Variants in ROBO1 observed in about 807,000 individuals in gnomAD.
ROBO1 encodes roundabout guidance receptor 1.
Under a neutral mutation model 195.9 loss-of-function variants are expected in ROBO1, and 149 were observed. The ratio of observed to expected loss-of-function variants is 0.76; its 90% CI spans 0.67 to 0.87. ROBO1 has a LOEUF of 0.87. Among genes scored for constraint, ROBO1 ranks in the 40% least tolerant of loss-of-function variants. The pLI, the probability that ROBO1 is intolerant of heterozygous loss-of-function variation, is 0.00. For missense variants in ROBO1, 1,933 were observed against 2,068.3 expected, an observed-to-expected ratio of 0.93 and a Z score of 1.27; for synonymous variants, 816 against 733.2, an observed-to-expected ratio of 1.11 and a Z score of -1.82.
intron 1 of ROBO1, among the ~76,000 whole-genome samples, chr3:79,724,380 C>T (rs1179194748): frequency 6.6e-6 from 1 of 152,114 alleles, no homozygotes; most frequent in Non-Finnish European, 1.5e-5. Context: ...TATTCGCTGC[C>T]CCCTGGTGTT....
At chr3:79,693,610 A>G (rs1048065694) in intron 1 of ROBO1, among the ~76,000 whole-genome samples, 5 of 151,370 alleles carry the variant, frequency 3.3e-5, no homozygotes, top group African/African-American at 1.2e-4. Flanking sequence ...TTTTATAATT[A>G]TTTTTTCACA....
chr3:79,350,182 A>G (rs1193751760), intron 2 of ROBO1, among the ~76,000 whole-genome samples: 2 of 152,202 alleles, frequency 1.3e-5, no homozygotes, highest in South Asian at 4.1e-4. Context: ...ATCTTTTTAT[A>G]TACATAAAAA....
At chr3:78,820,002 A>C (rs1440541192) in intron 4 of ROBO1, among the ~76,000 whole-genome samples, 1 of 152,224 alleles carries the variant, frequency 6.6e-6, no homozygotes, top group Non-Finnish European at 1.5e-5. Context: ...CGTGTCTATA[A>C]ATAGGTCTTT....
At chr3:79,517,163 G>T (rs918451411) in intron 2 of ROBO1, among the ~76,000 whole-genome samples, 2 of 152,076 alleles carry the variant, frequency 1.3e-5, no homozygotes, top group Non-Finnish European at 2.9e-5. Flanking sequence ...TCGATTACTG[G>T]TTATCACTCG....
At chr3:79,587,507 T>C (rs1368915751) in intron 2 of ROBO1, among the ~76,000 whole-genome samples, 1 of 151,832 alleles carries the variant, frequency 6.6e-6, no homozygotes, top group East Asian at 1.9e-4. Flanking sequence ...TGTTACATTT[T>C]TTTCATTTGT....
chr3:79,301,944 C>G (rs1170408127), intron 2 of ROBO1, among the ~76,000 whole-genome samples: 4 of 152,156 alleles, frequency 2.6e-5, no homozygotes, highest in African/African-American at 9.7e-5. Flanking sequence ...TATGTCATCT[C>G]TCTTGACTGT....
At chr3:79,541,803 G>GTA (rs969841259) in intron 2 of ROBO1, among the ~76,000 whole-genome samples, 2 of 121,698 alleles carry the variant, frequency 1.6e-5, no homozygotes, top group Non-Finnish European at 3.6e-5. Context: ...ACATATATGT[G>GTA]TATATATATG....
intron 2 of ROBO1, among the ~76,000 whole-genome samples, chr3:79,397,116 T>C (rs187633768): frequency 6.6e-6 from 1 of 152,060 alleles, no homozygotes; most frequent in Non-Finnish European, 1.5e-5. Flanking sequence ...TCTAATGAAA[T>C]AGCAATATAT....
chr3:78,675,621 GC>G (rs1708371270), intron 10 of ROBO1, among the ~76,000 whole-genome samples: 1 of 152,154 alleles, frequency 6.6e-6, no homozygotes, highest in African/African-American at 2.4e-5. Context: ...GGGGAGGGGG[GC>G]CTGCCATTGC....
intron 3 of ROBO1, among the ~76,000 whole-genome samples, chr3:79,076,259 T>A (rs2108449060): frequency 6.8e-6 from 1 of 147,492 alleles, no homozygotes; most frequent in Non-Finnish European, 1.5e-5. Context: ...TATATATATA[T>A]AAACTATATA....
chr3:78,815,066 G>C (rs768573374), intron 4 of ROBO1, among the ~76,000 whole-genome samples: 1 of 152,030 alleles, frequency 6.6e-6, no homozygotes, highest in Non-Finnish European at 1.5e-5. Context: ...GTTTGTTCAG[G>C]TTCAGACTGT....
intron 4 of ROBO1, among the ~76,000 whole-genome samples, chr3:78,866,209 C>A (rs1410989542): frequency 1.3e-5 from 2 of 152,110 alleles, no homozygotes; most frequent in African/African-American, 4.8e-5. Flanking sequence ...TAAAAGACAA[C>A]AATATTACAA....
intron 3 of ROBO1, among the ~76,000 whole-genome samples, chr3:78,945,118 G>A (rs988464282): frequency 6.6e-6 from 1 of 152,170 alleles, no homozygotes; most frequent in Admixed American, 6.5e-5. Flanking sequence ...CAAAAAGATA[G>A]CAGTAACCTC....
chr3:79,347,496 T>A (rs2035166893), intron 2 of ROBO1, among the ~76,000 whole-genome samples: 1 of 152,232 alleles, frequency 6.6e-6, no homozygotes, highest in Admixed American at 6.5e-5. Flanking sequence ...GATAAGTGAA[T>A]AAATGCCTAT....
chr3:78,952,173 T>G (rs1310753634), intron 3 of ROBO1, among the ~76,000 whole-genome samples: 1 of 151,384 alleles, frequency 6.6e-6, no homozygotes, highest in Non-Finnish European at 1.5e-5. Context: ...CTAAAATGAT[T>G]AAAGTATCTG....
intron 4 of ROBO1, among the ~76,000 whole-genome samples, chr3:78,864,450 A>G (rs2035039772): frequency 6.6e-6 from 1 of 151,844 alleles, no homozygotes; most frequent in South Asian, 2.1e-4. Context: ...GATGGCATAC[A>G]TGCAAATATA....
intron 2 of ROBO1, among the ~76,000 whole-genome samples, chr3:79,301,761 T>G (rs1196176787): frequency 1.3e-5 from 2 of 152,318 alleles, no homozygotes; most frequent in African/African-American, 4.8e-5. Context: ...AAGCTCATAG[T>G]TATTCTTCAG....
At chr3:79,271,263 T>C (rs1374145183) in intron 2 of ROBO1, among the ~76,000 whole-genome samples, 2 of 151,960 alleles carry the variant, frequency 1.3e-5, no homozygotes, top group East Asian at 1.9e-4. Flanking sequence ...TGTAACTGAA[T>C]CTATCATTTA....
At chr3:79,293,290 C>T (rs1434846890) in intron 2 of ROBO1, among the ~76,000 whole-genome samples, 1 of 151,908 alleles carries the variant, frequency 6.6e-6, no homozygotes, top group African/African-American at 2.4e-5. Flanking sequence ...ATTAGTCTTG[C>T]TAGTGGTCTA....
Sources: gnomAD v4.1 joint callset for allele counts (sites outside exome capture counted in the v4.1 genomes callset) on GRCh38, gnomAD v4.1.1 for gene constraint, MANE v1.5 for transcripts, NCBI Gene and HGNC (gene_info 2026-07-23, HGNC 2026-07-21) for gene names.